Variants in THRB observed in about 807,000 individuals in gnomAD.
THRB encodes the protein nuclear receptor subfamily 1 group A member 2.
THRB carries 12 observed loss-of-function variants against 47.8 expected under a neutral mutation model. That is an observed-to-expected ratio of 0.25 (90% CI 0.16 to 0.41). THRB has a LOEUF of 0.41. Among genes scored for constraint, THRB ranks in the 10% least tolerant of loss-of-function variants. THRB has a pLI of 1.00. For missense variants in THRB, 348 were observed against 589.2 expected (o/e 0.59, Z 4.24); for synonymous variants, 218 against 212.2 (o/e 1.03, Z -0.24).
chr3:24,176,333 G>T (rs991645747), intron 5 of THRB, among the ~76,000 whole-genome samples: 1 of 152,042 alleles, frequency 6.6e-6, no homozygotes, highest in Non-Finnish European at 1.5e-5. Context: ...AAAGTTGAGT[G>T]GTTGTTTAAG....
chr3:24,155,906 AG>A (rs35425655), intron 5 of THRB, among the ~76,000 whole-genome samples: 7,346 of 152,302 alleles, frequency 0.048, 252 homozygotes, highest in Middle Eastern at 0.082. Flanking sequence ...ATAACCCTCC[AG>A]AAAAAATTAA....
At chr3:24,180,445 G>C (rs1046110539) in intron 5 of THRB, among the ~76,000 whole-genome samples, 5 of 152,194 alleles carry the variant, frequency 3.3e-5, no homozygotes, top group Admixed American at 6.5e-5. Context: ...ATTTTAAAAG[G>C]CAGTAAAGTT....
At chr3:24,352,387 A>G (rs1025739369) in intron 1 of THRB, among the ~76,000 whole-genome samples, 5 of 152,142 alleles carry the variant, frequency 3.3e-5, no homozygotes, top group Non-Finnish European at 5.9e-5. Flanking sequence ...TGCTGTCCCT[A>G]TGAGGATAGG....
intron 3 of THRB, among the ~76,000 whole-genome samples, chr3:24,248,589 G>A (rs571871458): frequency 6.6e-6 from 1 of 152,296 alleles, no homozygotes; most frequent in African/African-American, 2.4e-5. Flanking sequence ...TCCCTTGCCA[G>A]AGGGCTTTCT....
chr3:24,330,020 T>C (rs2061815278), intron 2 of THRB, among the ~76,000 whole-genome samples: 1 of 152,232 alleles, frequency 6.6e-6, no homozygotes, highest in African/African-American at 2.4e-5. Context: ...AAAGATTTCA[T>C]TTCGGCCAGG....
chr3:24,413,641 A>G (rs1425961793), intron 1 of THRB, among the ~76,000 whole-genome samples: 1 of 151,590 alleles, frequency 6.6e-6, no homozygotes, highest in Admixed American at 6.6e-5. Context: ...ATATGTATAC[A>G]TGTGCCATGT....
chr3:24,436,768 A>G (rs770349410), intron 1 of THRB, among the ~76,000 whole-genome samples: 31 of 152,104 alleles, frequency 2.0e-4, no homozygotes, highest in Non-Finnish European at 4.3e-4. Flanking sequence ...GCTTCTTCGA[A>G]ATGCTCTGAG....
chr3:24,296,546 C>T (rs1303668600), intron 3 of THRB, among the ~76,000 whole-genome samples: 1 of 152,142 alleles, frequency 6.6e-6, no homozygotes. Flanking sequence ...GTAATAAAAG[C>T]CTAGGTCTAA....
At chr3:24,208,704 T>C (rs891254826) in intron 4 of THRB, among the ~76,000 whole-genome samples, 3 of 152,152 alleles carry the variant, frequency 2.0e-5, no homozygotes, top group Non-Finnish European at 4.4e-5. Flanking sequence ...TAATTCAAGA[T>C]GGATTAAAGA....
intron 1 of THRB, among the ~76,000 whole-genome samples, chr3:24,431,469 T>A (rs1387336915): frequency 6.6e-6 from 1 of 152,018 alleles, no homozygotes; most frequent in Non-Finnish European, 1.5e-5. Context: ...ATGGACAAAA[T>A]TTAAAAGCCT....
At chr3:24,246,327 G>A (rs143922953) in intron 3 of THRB, among the ~76,000 whole-genome samples, 2 of 152,200 alleles carry the variant, frequency 1.3e-5, no homozygotes, top group Non-Finnish European at 2.9e-5. Context: ...CCTTTCATGG[G>A]GTTTCAAGAA....
chr3:24,212,181 G>T (rs1174494098), intron 4 of THRB, among the ~76,000 whole-genome samples: 1 of 151,918 alleles, frequency 6.6e-6, no homozygotes, highest in Non-Finnish European at 1.5e-5. Context: ...GGTGGATCAC[G>T]AAGTCAGGAG....
At chr3:24,185,127 T>C (rs2042404241) in intron 5 of THRB, among the ~76,000 whole-genome samples, 2 of 152,232 alleles carry the variant, frequency 1.3e-5, no homozygotes, top group Admixed American at 1.3e-4. Flanking sequence ...CATAAGATAT[T>C]GTTTAAAAAA....
chr3:24,459,931 C>T (rs922370991), intron 1 of THRB, among the ~76,000 whole-genome samples: 17 of 152,174 alleles, frequency 1.1e-4, no homozygotes, highest in African/African-American at 2.4e-4. Flanking sequence ...CATAATATCA[C>T]GCTCTTATTA....
At chr3:24,390,796 A>AT (rs5847289) in intron 1 of THRB, among the ~76,000 whole-genome samples, 53,703 of 113,736 alleles carry the variant, frequency 0.47, 10,906 homozygotes, top group East Asian at 0.56. Flanking sequence ...AAAAAAAAAA[A>AT]AATATATATA....
At chr3:24,191,083 A>AT (rs1183724859) in intron 4 of THRB, among the ~76,000 whole-genome samples, 4 of 151,724 alleles carry the variant, frequency 2.6e-5, no homozygotes, top group African/African-American at 4.8e-5. Context: ...TATTATATAT[A>AT]TTTTTTCTAT....
At chr3:24,261,652 C>G (rs537487435) in intron 3 of THRB, among the ~76,000 whole-genome samples, 1 of 152,130 alleles carries the variant, frequency 6.6e-6, no homozygotes, top group East Asian at 1.9e-4. Flanking sequence ...AAAGTTTCTC[C>G]AATCAGACTT....
chr3:24,465,697 C>T (rs1348724137), intron 1 of THRB, among the ~76,000 whole-genome samples: 3 of 152,134 alleles, frequency 2.0e-5, no homozygotes, highest in African/African-American at 7.2e-5. Flanking sequence ...AGTCAGCGCA[C>T]CCGGCCTAGA....
chr3:24,432,658 TAGG>T (rs2070556223), intron 1 of THRB, among the ~76,000 whole-genome samples: 1 of 152,130 alleles, frequency 6.6e-6, no homozygotes, highest in African/African-American at 2.4e-5. Flanking sequence ...GAGAAGAGAT[TAGG>T]AGAACTGTGA....
Sources: allele counts gnomAD v4.1 joint callset (sites outside exome capture counted in the v4.1 genomes callset), GRCh38; gene constraint gnomAD v4.1.1; transcripts MANE v1.5; gene names NCBI Gene and HGNC (gene_info 2026-07-23, HGNC 2026-07-21).